The following PSEN1 variants were observed in gnomAD, a reference collection of about 807,000 sequenced individuals.
PSEN1 encodes presenilin-1.
A neutral mutation model predicts 53.5 loss-of-function variants in PSEN1; 15 were observed. The ratio of observed to expected loss-of-function variants is 0.28; its 90% CI spans 0.19 to 0.43. The LOEUF (loss-of-function observed/expected upper bound fraction) is 0.43. Among genes scored for constraint, PSEN1 ranks in the 20% least tolerant of loss-of-function variants. The pLI is 1.00. For missense variants in PSEN1, 387 were observed against 571.2 expected (o/e 0.68, Z 3.29); for synonymous variants, 208 against 209.8 (o/e 0.99, Z 0.08).
intron 11 of PSEN1, among the ~76,000 whole-genome samples, chr14:73,217,795 A>ATTTTTTTT (rs746495189): frequency 7.9e-6 from 1 of 126,314 alleles, no homozygotes; most frequent in African/African-American, 3.1e-5. Context: ...CAAAACTATG[A>ATTTTTTTT]TTTTTTTTTT....
chr14:73,196,401 G>C (rs1372275266), intron 7 of PSEN1, among the ~76,000 whole-genome samples: 1 of 145,832 alleles, frequency 6.9e-6, no homozygotes, highest in East Asian at 2.0e-4. Context: ...TTATATTATA[G>C]TTCTATATAT....
At chr14:73,153,360 C>T (rs969299916) in intron 3 of PSEN1, among the ~76,000 whole-genome samples, 8 of 152,092 alleles carry the variant, frequency 5.3e-5, no homozygotes, top group African/African-American at 1.9e-4. Context: ...ACATAACAGC[C>T]CCATAAGTGT....
At chr14:73,216,508 C>A (rs1215133831) in intron 10 of PSEN1, among the ~76,000 whole-genome samples, 1 of 152,136 alleles carries the variant, frequency 6.6e-6, no homozygotes, top group Non-Finnish European at 1.5e-5. Context: ...CGTCTGTAAT[C>A]CCAGCACTTT....
At chr14:73,144,681 G>A (rs982362212) in intron 1 of PSEN1, among the ~76,000 whole-genome samples, 3 of 152,088 alleles carry the variant, frequency 2.0e-5, no homozygotes, top group African/African-American at 7.2e-5. Flanking sequence ...TCATAAATTA[G>A]TTTGTTAAGC....
At chr14:73,217,365 G>A in intron 11 of PSEN1, 121 bp downstream of exon 11, 1 of 1,164,586 alleles carries the variant, frequency 8.6e-7, no homozygotes, top group South Asian at 1.3e-5. Context: ...TATCTGAGGA[G>A]CTTTTTGATA....
intron 11 of PSEN1, among the ~76,000 whole-genome samples, chr14:73,218,795 C>T (rs1900032546): frequency 6.6e-6 from 1 of 151,896 alleles, no homozygotes; most frequent in Non-Finnish European, 1.5e-5. Flanking sequence ...TTTAACCAGC[C>T]AAACTAAAAT....
intron 11 of PSEN1, 126 bp from the exon 12 acceptor site, chr14:73,219,007 TA>T: frequency 9.2e-7 from 1 of 1,085,160 alleles, no homozygotes; most frequent in Non-Finnish European, 1.4e-6. Flanking sequence ...ACGTCTGTTC[TA>T]AAATTTAACC....
intron 3 of PSEN1, among the ~76,000 whole-genome samples, chr14:73,164,497 A>G (rs1007712636): frequency 6.6e-6 from 1 of 152,226 alleles, no homozygotes; most frequent in African/African-American, 2.4e-5. Flanking sequence ...AGACACCGTG[A>G]GATACGTCTT....
intron 5 of PSEN1, 117 bp downstream of exon 5, chr14:73,173,824 G>A (rs1234282102): frequency 6.2e-6 from 8 of 1,287,974 alleles, no homozygotes; most frequent in Non-Finnish European, 9.0e-6. Flanking sequence ...CTAGAGATAA[G>A]TTAATTTTTA....
In PSEN1 at chr14:73,184,044, A is replaced by G. The variant is rs866998757; in HGVS notation, c.481-2809A>G. Among the ~76,000 whole-genome samples, 885 of 104,774 alleles carry G rather than the reference A, an allele frequency of 8.4e-3. 13 individuals are homozygous for G. Among genetic ancestry groups the G allele is most frequent in the African/African-American group, 0.033 (767 of 23,318 alleles). The allele number at this position is 104,774 out of a possible 152,430, so 68.7% of individuals were successfully genotyped here. A position where few individuals can be genotyped will look rare whatever the true frequency, so the allele number is the denominator to read the frequency against. The stretch of plus-strand genomic sequence containing the variant: ...CACCTCCCGGACGGGGCGGCTGGCC[A>G]GGCGGGGGGCTGATCCCCCCACCTC... On this transcript the variant is annotated intron_variant, in intron 5 of 11. Coordinates refer to ENST00000324501, the MANE Select transcript of PSEN1 (RefSeq NM_000021.4).
At chr14:73,209,061 T>C in intron 9 of PSEN1, 1 of 317,804 alleles carries the variant, frequency 3.1e-6, no homozygotes, top group Non-Finnish European at 6.3e-6. Context: ...GCACCCAGCC[T>C]CAGCCACAAC....
chr14:73,160,712 T>C (rs1158638208), intron 3 of PSEN1, among the ~76,000 whole-genome samples: 1 of 152,030 alleles, frequency 6.6e-6, no homozygotes, highest in Non-Finnish European at 1.5e-5. Flanking sequence ...TGGCTATTTG[T>C]ATATCTTCTT....
At chr14:73,195,275 C>T (rs1049619104) in intron 7 of PSEN1, among the ~76,000 whole-genome samples, 5 of 152,052 alleles carry the variant, frequency 3.3e-5, no homozygotes, top group African/African-American at 7.2e-5. Flanking sequence ...CGGGATCAAG[C>T]GATTCTCCTG....
At chr14:73,173,786 A>T in intron 5 of PSEN1, 79 bp downstream of exon 5, 1 of 1,481,598 alleles carries the variant, frequency 6.7e-7, no homozygotes, top group Non-Finnish European at 9.4e-7. Flanking sequence ...AACTTAACTG[A>T]TCTAGGAAAG....
At chr14:73,138,945 C>T (rs1307134886) in intron 1 of PSEN1, among the ~76,000 whole-genome samples, 2 of 144,082 alleles carry the variant, frequency 1.4e-5, no homozygotes, top group Admixed American at 7.0e-5. Flanking sequence ...CCAGCCTGGG[C>T]GACAGAGCCA....
intron 1 of PSEN1, among the ~76,000 whole-genome samples, chr14:73,145,269 C>T (rs915319402): frequency 1.3e-5 from 2 of 152,084 alleles, no homozygotes; most frequent in African/African-American, 4.8e-5. Context: ...TGTTTACTTG[C>T]TTTGCTTCTG....
At chr14:73,182,053 C>T (rs971415507) in intron 5 of PSEN1, among the ~76,000 whole-genome samples, 2 of 152,132 alleles carry the variant, frequency 1.3e-5, no homozygotes, top group Non-Finnish European at 2.9e-5. Context: ...GGATAACAGG[C>T]GTGAGCCACT....
At chr14:73,209,339 C>G (rs1282981906) in intron 9 of PSEN1, among the ~76,000 whole-genome samples, 1 of 152,252 alleles carries the variant, frequency 6.6e-6, no homozygotes, top group Non-Finnish European at 1.5e-5. Flanking sequence ...ATCAAGACCA[C>G]TAGTAAACCT....
In PSEN1 at chr14:73,170,834, G is replaced by A. The variant is rs367775281; in HGVS notation, c.125G>A (p.Arg42Gln). ...GAACGGCAGGAGCACAACGACAGAC[G>A]GAGCCTTGGCCACCCTGAGCCATTA... is the stretch of plus-strand genomic sequence containing the variant. The part of the protein sequence containing the change: ...NRERQEHNDR[R>Q]SLGHPEPLSN... Residue 42 changes from arginine (R) to glutamine (Q), a missense_variant, in exon 4 of 12, where the codon CGG (arginine) becomes CAG (glutamine). Arg to Gln is a conservative substitution (Grantham distance 43, BLOSUM62 1). Around this residue, in one of 4 missense-constraint regions of PSEN1, gnomAD observed 99 missense variants for 101.5 expected, o/e 0.98. Transcript: ENST00000324501. 39 of 1,614,136 alleles carry A rather than the reference G, an allele frequency of 2.4e-5. No individual in the cohort carries two copies. Among genetic ancestry groups the A allele is most frequent in the African/African-American group, 5.3e-5 (4 of 75,034 alleles).
Sources: allele counts gnomAD v4.1 joint callset (sites outside exome capture counted in the v4.1 genomes callset), GRCh38; gene constraint gnomAD v4.1.1; regional missense constraint gnomAD v4.1.1; transcripts MANE v1.5; gene names NCBI Gene and HGNC (gene_info 2026-07-23, HGNC 2026-07-21).